The following FBXO34 variants were observed in gnomAD, a reference collection of about 807,000 sequenced individuals.
FBXO34 encodes F-box protein 34, also known as F-box only protein 34.
A neutral mutation model predicts 24.5 loss-of-function variants in FBXO34; 12 were observed. The observed-to-expected ratio is 0.49, with a 90% confidence interval of 0.31 to 0.79. The LOEUF (loss-of-function observed/expected upper bound fraction) is 0.79, where lower values mean the gene tolerates loss of function less well. FBXO34 is among the 30% of genes least tolerant of loss of function. The pLI, the probability that FBXO34 is intolerant of heterozygous loss-of-function variation, is 0.04. For missense variants in FBXO34, 823 were observed against 857.7 expected (o/e 0.96, Z 0.51); for synonymous variants, 320 against 311.9 (o/e 1.03, Z -0.27).
At chr14:55,416,476 G>A in the FBXO34 span, among the ~76,000 whole-genome samples, 1 of 152,082 alleles carries the variant, frequency 6.6e-6, no homozygotes, top group Non-Finnish European at 1.5e-5. Context: ...GAGAAGAAAA[G>A]TTATTTATTC....
At chr14:55,373,593 G>A (rs929556925), downstream of FBXO34, among the ~76,000 whole-genome samples, 2 of 152,056 alleles carry the variant, frequency 1.3e-5, no homozygotes, top group Non-Finnish European at 1.5e-5. Flanking sequence ...CCAAGTAGCT[G>A]GGGTTACAGG....
intron 1 of FBXO34, among the ~76,000 whole-genome samples, chr14:55,344,990 G>A (rs1184984928): frequency 6.6e-6 from 1 of 152,274 alleles, no homozygotes; most frequent in East Asian, 1.9e-4. Context: ...GAGCGGCTAG[G>A]ACATTTCTGA....
rs377493815 is a variant in FBXO34, at chr14:55,335,084, G to A, written c.-10-15297G>A. On this transcript the variant is annotated intron_variant, in intron 1 of 1. Coordinates refer to ENST00000313833, the MANE Select transcript of FBXO34 (RefSeq NM_017943.4). ...GGATTGAGTGGAGGGCAGGTGAAGG[G>A]CAGGTGTTTTCAAGTCAAAGGAGTT... Among the ~76,000 whole-genome samples, 13 of 152,260 alleles carry A rather than the reference G, an allele frequency of 8.5e-5. No homozygotes were observed. The East Asian group carries it at 1.2e-3, about 14-fold the overall frequency.
chr14:55,342,778 T>C (rs17128417), intron 1 of FBXO34, among the ~76,000 whole-genome samples: 5,633 of 152,304 alleles, frequency 0.037, 255 homozygotes, highest in East Asian at 0.13. Context: ...GTAGTAGTTT[T>C]ATGTGGCACT....
downstream of FBXO34, among the ~76,000 whole-genome samples, chr14:55,355,416 CTCT>C (rs570888521): frequency 1.1e-3 from 161 of 152,308 alleles, no homozygotes; most frequent in African/African-American, 3.8e-3. Flanking sequence ...CCACATGCCC[CTCT>C]TCTTGTCTGT....
At chr14:55,433,772 TCCCAGTTGAAAAAG>T in the FBXO34 span, 1 of 1,535,048 alleles carries the variant, frequency 6.5e-7, no homozygotes, top group South Asian at 1.2e-5. Flanking sequence ...GTTAACATTA[TCCCAGTTGAAAAAG>T]CCGAGCTGAA....
At chr14:55,288,232 A>G (rs1881827884) in intron 1 of FBXO34, among the ~76,000 whole-genome samples, 1 of 152,228 alleles carries the variant, frequency 6.6e-6, no homozygotes, top group Admixed American at 6.5e-5. Flanking sequence ...GGTGTGAGAA[A>G]CAAGGTTTTC....
chr14:55,279,528 T>G (rs879402487), intron 1 of FBXO34, among the ~76,000 whole-genome samples: 3 of 152,164 alleles, frequency 2.0e-5, no homozygotes, highest in Non-Finnish European at 4.4e-5. Context: ...AGTAAAGATG[T>G]AATTTGTTTT....
At chr14:55,325,905 A>G (rs952699789) in intron 1 of FBXO34, 1 of 152,224 alleles carries the variant, frequency 6.6e-6, no homozygotes, top group Non-Finnish European at 1.5e-5. Context: ...AACCAAAACT[A>G]TAGAATGCTT....
chr14:55,371,265 C>CA (rs143773084), downstream of FBXO34, among the ~76,000 whole-genome samples: 1,430 of 152,328 alleles, frequency 9.4e-3, 31 homozygotes, highest in African/African-American at 0.033. Flanking sequence ...CCAAATTCTC[C>CA]ACAGCCTTCA....
the FBXO34 span, chr14:55,440,246 C>T: frequency 2.5e-4 from 241 of 957,182 alleles, 1 homozygote; most frequent in African/African-American, 3.0e-3. Context: ...TTTCACTTTT[C>T]GAAGCTTCTA....
chr14:55,306,683 A>G (rs1362374568), intron 1 of FBXO34, among the ~76,000 whole-genome samples: 3 of 152,056 alleles, frequency 2.0e-5, no homozygotes, highest in Admixed American at 2.0e-4. Context: ...AAATACAAAA[A>G]CTAGCCAGAC....
intron 1 of FBXO34, among the ~76,000 whole-genome samples, chr14:55,333,202 T>A (rs8008114): frequency 0.99 from 151,455 of 152,334 alleles, 75,291 homozygotes; most frequent in East Asian, 1. Flanking sequence ...ATTTGTACTA[T>A]TAGTTGTCTC....
chr14:55,380,828 C>T, the FBXO34 span: 1 of 324,362 alleles, frequency 3.1e-6, no homozygotes, highest in Admixed American at 4.8e-5. Flanking sequence ...GCTCCATGAC[C>T]AGACATAAAT....
the FBXO34 span, chr14:55,395,267 G>T: frequency 6.0e-6 from 2 of 335,198 alleles, no homozygotes; most frequent in East Asian, 1.7e-4. Context: ...CCAAGCGCCT[G>T]CGAGGCATAG....
chr14:55,287,007 C>T (rs907356861), intron 1 of FBXO34, among the ~76,000 whole-genome samples: 1 of 150,258 alleles, frequency 6.7e-6, no homozygotes, highest in South Asian at 2.1e-4. Flanking sequence ...CTCCCAGGTT[C>T]AAGCGATTCT....
the FBXO34 span, chr14:55,436,052 A>T: frequency 1.7e-6 from 1 of 575,890 alleles, no homozygotes; most frequent in Non-Finnish European, 2.9e-6. Context: ...GGGGAGAATT[A>T]TTCCAAATGT....
At chr14:55,436,779 T>C in the FBXO34 span, 21 of 1,614,096 alleles carry the variant, frequency 1.3e-5, no homozygotes, top group Non-Finnish European at 1.8e-5. Flanking sequence ...ACCTACTTTG[T>C]GGACTTTGGC....
At chr14:55,355,781 CTG>C (rs1226138277), downstream of FBXO34, among the ~76,000 whole-genome samples, 28 of 152,292 alleles carry the variant, frequency 1.8e-4, no homozygotes, top group South Asian at 2.7e-3. Flanking sequence ...ACAACACACT[CTG>C]TAAAATGTGT....
Sources: gnomAD v4.1 joint callset for allele counts (sites outside exome capture counted in the v4.1 genomes callset) on GRCh38, gnomAD v4.1.1 for gene constraint, MANE v1.5 for transcripts, NCBI Gene and HGNC (gene_info 2026-07-23, HGNC 2026-07-21) for gene names.